The following ATP8B4 variants were observed in gnomAD, a reference collection of about 807,000 sequenced individuals.
The protein encoded by ATP8B4 is ATPase phospholipid transporting 8B4 (putative).
A neutral mutation model predicts 145.6 loss-of-function variants in ATP8B4; 133 were observed. The ratio of observed to expected loss-of-function variants is 0.91; its 90% CI spans 0.79 to 1.05. The LOEUF (loss-of-function observed/expected upper bound fraction) is 1.05. ATP8B4 is among the 50% of genes least tolerant of loss of function. The pLI, the probability that ATP8B4 is intolerant of heterozygous loss-of-function variation, is 0.00. For missense variants in ATP8B4, 1,458 were observed against 1,425.2 expected (o/e 1.02, Z -0.37); for synonymous variants, 507 against 492.9 (o/e 1.03, Z -0.38).
chr15:49,933,911 G>C, intron 15 of ATP8B4, 106 bp downstream of exon 15: 6 of 1,215,936 alleles, frequency 4.9e-6, no homozygotes, highest in Non-Finnish European at 6.5e-6. Context: ...AAAAAACAAG[G>C]CTCACTGCTC....
intron 12 of ATP8B4, among the ~76,000 whole-genome samples, chr15:49,977,872 G>A (rs924923540): frequency 6.6e-6 from 1 of 152,144 alleles, no homozygotes; most frequent in East Asian, 1.9e-4. Flanking sequence ...CTTATTTTAT[G>A]GGGAAGTACA....
intron 3 of ATP8B4, among the ~76,000 whole-genome samples, chr15:50,059,780 G>A (rs1381608080): frequency 6.6e-6 from 1 of 152,226 alleles, no homozygotes; most frequent in Non-Finnish European, 1.5e-5. Context: ...AAAATCAGGA[G>A]GCTTGTCAGA....
chr15:50,033,469 T>C (rs1414970273), intron 6 of ATP8B4, among the ~76,000 whole-genome samples: 1 of 152,218 alleles, frequency 6.6e-6, no homozygotes, highest in Non-Finnish European at 1.5e-5. Context: ...AAAGAAGGGA[T>C]GCTAGCAGCC....
chr15:50,068,613 T>C (rs1339103787), intron 3 of ATP8B4, among the ~76,000 whole-genome samples: 1 of 152,204 alleles, frequency 6.6e-6, no homozygotes, highest in Non-Finnish European at 1.5e-5. Flanking sequence ...CTACCTACCT[T>C]TGTGCATTAA....
At chr15:49,901,352 T>C (rs2038010046) in intron 20 of ATP8B4, 113 bp from the exon 21 acceptor site, 1 of 1,158,086 alleles carries the variant, frequency 8.6e-7, no homozygotes, top group African/African-American at 1.6e-5. Context: ...TCAGAGAGAA[T>C]ATGGCATAAG....
intron 3 of ATP8B4, among the ~76,000 whole-genome samples, chr15:50,067,036 CCTT>C (rs1475506614): frequency 6.6e-6 from 1 of 152,026 alleles, no homozygotes; most frequent in African/African-American, 2.4e-5. Context: ...GTCCTCTGTT[CCTT>C]CTTAAGTTCT....
At chr15:50,167,319 A>T (rs576368168) in intron 1 of ATP8B4, among the ~76,000 whole-genome samples, 1 of 152,308 alleles carries the variant, frequency 6.6e-6, no homozygotes, top group East Asian at 1.9e-4. Flanking sequence ...GTGTCAGCAG[A>T]GTTGATTCCT....
intron 21 of ATP8B4, among the ~76,000 whole-genome samples, chr15:49,899,147 C>A (rs1176004948): frequency 6.6e-6 from 1 of 152,060 alleles, no homozygotes; most frequent in African/African-American, 2.4e-5. Flanking sequence ...TTTTTCCCAT[C>A]ATGCCAAATT....
At chr15:49,931,348 G>C (rs370244384) in intron 15 of ATP8B4, 41 bp from the exon 16 acceptor site, 59 of 1,564,506 alleles carry the variant, frequency 3.8e-5, no homozygotes, top group Non-Finnish European at 2.6e-6. Context: ...CTGACTAACA[G>C]CTAACATTCA....
At chr15:50,010,758 G>T in intron 7 of ATP8B4, 87 bp downstream of exon 7, 1 of 807,986 alleles carries the variant, frequency 1.2e-6, no homozygotes. Context: ...GATTAGTAAG[G>T]ATTTACTAAA....
At chr15:50,069,579 G>A (rs898332813) in intron 3 of ATP8B4, among the ~76,000 whole-genome samples, 1 of 152,124 alleles carries the variant, frequency 6.6e-6, no homozygotes, top group Non-Finnish European at 1.5e-5. Context: ...GTAAAATTGT[G>A]TATCTCCTTT....
chr15:50,000,595 A>G lies in ATP8B4; in HGVS notation c.506+1558T>C, dbSNP rs576863380. Among the ~76,000 whole-genome samples, 9 of 152,258 alleles carry G rather than the reference A, an allele frequency of 5.9e-5. No individual in the cohort carries two copies. In the South Asian group the frequency reaches 1.2e-3, roughly 21 times the overall value. ...AAGAAGTTTTTTTAAAATATATTCA[A>G]GATACAAGTCCCTGGTCAAATAGAT... On this transcript the variant is annotated intron_variant, in intron 8 of 27. Transcript: ENST00000284509.
chr15:50,027,434 T>A (rs2153587331), intron 6 of ATP8B4, among the ~76,000 whole-genome samples: 1 of 114,802 alleles, frequency 8.7e-6, no homozygotes, highest in East Asian at 2.5e-4. Flanking sequence ...CTGCTGCTAC[T>A]CTCAATGTTC....
chr15:49,996,912 CAGG>C (rs1183607753), intron 8 of ATP8B4, among the ~76,000 whole-genome samples, 153 bp from the exon 9 acceptor site: 1 of 152,156 alleles, frequency 6.6e-6, no homozygotes, highest in Non-Finnish European at 1.5e-5. Context: ...CTCACTGTTT[CAGG>C]AAAGTAGGCA....
At chr15:50,009,775 C>A (rs1599782542) in intron 7 of ATP8B4, 1 of 415,086 alleles carries the variant, frequency 2.4e-6, no homozygotes, top group South Asian at 1.7e-5. Flanking sequence ...TTATAAGGAG[C>A]TTAACCAGAG....
At chr15:50,017,403 T>C (rs1224061351) in intron 6 of ATP8B4, among the ~76,000 whole-genome samples, 2 of 152,248 alleles carry the variant, frequency 1.3e-5, no homozygotes, top group Non-Finnish European at 2.9e-5. Context: ...ATCAACTATT[T>C]TCTTCATCTA....
At chr15:49,913,050 G>A (rs2039390727) in intron 20 of ATP8B4, among the ~76,000 whole-genome samples, 1 of 151,882 alleles carries the variant, frequency 6.6e-6, no homozygotes. Context: ...AGGATCACTT[G>A]AGCCCCGGAG....
chr15:50,010,507 T>C (rs1389907133), intron 7 of ATP8B4, among the ~76,000 whole-genome samples: 1 of 152,048 alleles, frequency 6.6e-6, no homozygotes, highest in Non-Finnish European at 1.5e-5. Context: ...TCACAAAATA[T>C]GTGAGAGCAG....
At chr15:49,875,815 G>A (rs1168343301) in intron 25 of ATP8B4, among the ~76,000 whole-genome samples, 1 of 152,214 alleles carries the variant, frequency 6.6e-6, no homozygotes, top group African/African-American at 2.4e-5. Flanking sequence ...TCCTCTGAGT[G>A]TGAGATTCGG....
Sources: gnomAD v4.1 joint callset for allele counts (sites outside exome capture counted in the v4.1 genomes callset) on GRCh38, gnomAD v4.1.1 for gene constraint, MANE v1.5 for transcripts, NCBI Gene and HGNC (gene_info 2026-07-23, HGNC 2026-07-21) for gene names.